THSD4: variants seen among roughly 807,000 people sequenced by gnomAD.
THSD4 encodes the protein thrombospondin type 1 domain containing 4, also known as thrombospondin type-1 domain-containing protein 4.
THSD4 carries 69 observed loss-of-function variants against 119.0 expected under a neutral mutation model. The ratio of observed to expected loss-of-function variants is 0.58; its 90% CI spans 0.48 to 0.71. The LOEUF (loss-of-function observed/expected upper bound fraction) is 0.71, where lower values mean the gene tolerates loss of function less well. Among genes scored for constraint, THSD4 ranks in the 30% least tolerant of loss-of-function variants. THSD4 has a pLI of 0.00. For synonymous variants in THSD4, 524 were observed against 540.4 expected (o/e 0.97, Z 0.42); for missense variants, 1,393 against 1,391.1 (o/e 1.00, Z -0.02).
intron 6 of THSD4, among the ~76,000 whole-genome samples, chr15:71,309,005 A>G (rs2045073800): frequency 6.6e-6 from 1 of 152,206 alleles, no homozygotes; most frequent in Non-Finnish European, 1.5e-5. Context: ...GCTGCAGTGC[A>G]GTGGCACTAT....
intron 3 of THSD4, among the ~76,000 whole-genome samples, chr15:71,170,217 C>G (rs1484851638): frequency 6.6e-6 from 1 of 151,900 alleles, no homozygotes; most frequent in African/African-American, 2.4e-5. Context: ...GATAGAGTAC[C>G]AGAGAGGAGA....
intron 8 of THSD4, among the ~76,000 whole-genome samples, chr15:71,713,664 C>T (rs1448108289): frequency 2.6e-5 from 4 of 152,108 alleles, no homozygotes; most frequent in Admixed American, 6.5e-5. Flanking sequence ...GCCACCAAAT[C>T]GGACATCAAA....
rs71154780 is a variant in THSD4, at chr15:71,561,863, AACACACACACACACACACAC to A, written c.1153-98629_1153-98610del. On this transcript the variant is annotated intron_variant, in intron 7 of 17. Coordinates refer to ENST00000261862, the MANE Select transcript of THSD4 (RefSeq NM_024817.3). ...TGGACCCAGGACTCCTTTTAAAATA[AACACACACACACACACACAC>A]ACACACACACACACACACACACACA... Among the ~76,000 whole-genome samples, 1,109 of 130,464 alleles carry A rather than the reference AACACACACACACACACACAC, an allele frequency of 8.5e-3. 22 individuals are homozygous for A. The highest frequency in any genetic ancestry group is 0.029 in the African/African-American group (964 of 33,012). 85.6% of individuals were successfully genotyped at this position (130,464 alleles called of 152,430 possible).
At chr15:71,260,005 A>G (rs1297542963) in intron 6 of THSD4, among the ~76,000 whole-genome samples, 3 of 152,252 alleles carry the variant, frequency 2.0e-5, no homozygotes, top group South Asian at 2.1e-4. Flanking sequence ...TGCGTTCTGT[A>G]ATTTCCCCAG....
chr15:71,279,766 G>A (rs1268737524), intron 6 of THSD4, among the ~76,000 whole-genome samples: 4 of 127,684 alleles, frequency 3.1e-5, no homozygotes, highest in African/African-American at 1.1e-4. Context: ...AGAATGGAAA[G>A]GTGTACTTTT....
chr15:71,111,185 G>C (rs762222296), upstream of THSD4: 85 of 1,612,576 alleles, frequency 5.3e-5, no homozygotes, highest in East Asian at 1.8e-3. Context: ...GTGAGAAAGA[G>C]GATGAGAGCA....
At chr15:71,764,333 A>T (rs34386163) in intron 15 of THSD4, among the ~76,000 whole-genome samples, 12,776 of 152,352 alleles carry the variant, frequency 0.084, 694 homozygotes, top group Middle Eastern at 0.16. Flanking sequence ...ATTTATCAGC[A>T]AACAGTTGTA....
At chr15:71,382,267 A>G (rs2046238156) in intron 6 of THSD4, among the ~76,000 whole-genome samples, 1 of 152,182 alleles carries the variant, frequency 6.6e-6, no homozygotes, top group Non-Finnish European at 1.5e-5. Context: ...CCAAATGCCT[A>G]AAAGGTAAAG....
At chr15:71,715,689 A>G (rs908307477) in intron 8 of THSD4, among the ~76,000 whole-genome samples, 6 of 152,078 alleles carry the variant, frequency 3.9e-5, no homozygotes, top group African/African-American at 1.2e-4. Context: ...TGTCCATGAC[A>G]TTGAGAACAA....
chr15:71,432,955 T>A (rs1198064302), intron 7 of THSD4, among the ~76,000 whole-genome samples: 1 of 152,056 alleles, frequency 6.6e-6, no homozygotes, highest in Non-Finnish European at 1.5e-5. Context: ...AATTATTTCC[T>A]TTATTTCTGG....
intron 6 of THSD4, among the ~76,000 whole-genome samples, chr15:71,404,902 C>CTTTTCT (rs1555410437): frequency 1.9e-4 from 29 of 150,886 alleles, no homozygotes; most frequent in African/African-American, 5.9e-4. Flanking sequence ...CTTTGCTTTT[C>CTTTTCT]TTTTTTGACA....
intron 8 of THSD4, among the ~76,000 whole-genome samples, chr15:71,683,836 A>G (rs1384832722): frequency 6.6e-6 from 1 of 152,132 alleles, no homozygotes; most frequent in African/African-American, 2.4e-5. Context: ...TTAGCTGGGC[A>G]TGGTGGGAGG....
intron 7 of THSD4, among the ~76,000 whole-genome samples, chr15:71,646,709 C>T (rs553647753): frequency 3.3e-5 from 5 of 152,164 alleles, no homozygotes; most frequent in South Asian, 2.1e-4. Flanking sequence ...CTAATTATTA[C>T]GTATTTTCAC....
chr15:71,649,730 GT>G (rs1356392015), intron 7 of THSD4, among the ~76,000 whole-genome samples: 1 of 152,200 alleles, frequency 6.6e-6, no homozygotes, highest in African/African-American at 2.4e-5. Flanking sequence ...GGTTTTGGCA[GT>G]TTGGGGTTTT....
chr15:71,520,860 G>T (rs1001393778), intron 7 of THSD4, among the ~76,000 whole-genome samples: 8 of 152,324 alleles, frequency 5.3e-5, no homozygotes, highest in African/African-American at 9.6e-5. Flanking sequence ...TCACTCTGCT[G>T]CAAGTGAAGA....
At chr15:71,317,692 AG>A (rs1321995652) in intron 6 of THSD4, among the ~76,000 whole-genome samples, 3 of 152,188 alleles carry the variant, frequency 2.0e-5, no homozygotes, top group African/African-American at 7.2e-5. Context: ...CATGATTCCA[AG>A]GAAGAGGCTG....
chr15:71,371,358 A>G (rs2046044703), intron 6 of THSD4, among the ~76,000 whole-genome samples: 1 of 152,170 alleles, frequency 6.6e-6, no homozygotes, highest in Non-Finnish European at 1.5e-5. Context: ...TAGTTGATGC[A>G]GTTTCTTCCT....
intron 6 of THSD4, among the ~76,000 whole-genome samples, chr15:71,262,217 A>G (rs2140295361): frequency 6.6e-6 from 1 of 152,268 alleles, no homozygotes; most frequent in Admixed American, 6.5e-5. Flanking sequence ...CTTTAATTGC[A>G]TTTCCTGGAT....
At chr15:71,466,062 A>G (rs1029365705) in intron 7 of THSD4, among the ~76,000 whole-genome samples, 13 of 152,050 alleles carry the variant, frequency 8.5e-5, no homozygotes, top group African/African-American at 3.1e-4. Flanking sequence ...TAGAAAGAGA[A>G]ATAGAGGCCG....
Sources: gnomAD v4.1 joint callset for allele counts (sites outside exome capture counted in the v4.1 genomes callset) on GRCh38, gnomAD v4.1.1 for gene constraint, MANE v1.5 for transcripts, NCBI Gene and HGNC (gene_info 2026-07-23, HGNC 2026-07-21) for gene names.